Variants in FAM186B observed in about 807,000 individuals in gnomAD.
FAM186B encodes family with sequence similarity 186 member B, also known as protein FAM186B.
Under a neutral mutation model 83.4 loss-of-function variants are expected in FAM186B, and 68 were observed. That is an observed-to-expected ratio of 0.81 (90% CI 0.67 to 1.00). FAM186B has a LOEUF of 1.00. Among genes scored for constraint, FAM186B ranks in the 50% least tolerant of loss-of-function variants. The probability of loss-of-function intolerance (pLI) is 0.00; values close to 1 mark genes in which losing one functional copy is unlikely to be tolerated. For synonymous variants in FAM186B, 389 were observed against 422.0 expected (o/e 0.92, Z 0.96); for missense variants, 983 against 1,099.2 (o/e 0.89, Z 1.49).
intron 5 of FAM186B, among the ~76,000 whole-genome samples, chr12:49,591,248 A>G (rs1939574449): frequency 6.6e-6 from 1 of 152,246 alleles, no homozygotes; most frequent in African/African-American, 2.4e-5. Context: ...AGGAAGCCAC[A>G]TGGCAAGGAA....
intron 2 of FAM186B, among the ~76,000 whole-genome samples, 175 bp from the exon 3 acceptor site, chr12:49,603,542 A>G (rs1240165963): frequency 6.6e-6 from 1 of 152,204 alleles, no homozygotes; most frequent in African/African-American, 2.4e-5. Flanking sequence ...CCTTCCCTAT[A>G]AAAGAACTGC....
chr12:49,599,691 A>G lies in FAM186B; in HGVS notation c.1949T>C (p.Leu650Ser). 1 of 1,609,766 alleles carries G rather than the reference A, an allele frequency of 6.2e-7. No homozygotes were observed. The highest frequency in any genetic ancestry group is 2.2e-5 in the East Asian group (1 of 44,848). Residue 650 changes from leucine (L) to serine (S), a missense_variant, in exon 4 of 7, where the codon TTG becomes TCG. Transcript: ENST00000257894. ...TSIRRLTWPSLQISPANIKKK... is the reference protein window; with the variant it reads ...TSIRRLTWPSSQISPANIKKK... ...CTTAATATTTGCAGGGGATATCTGC[A>G]AAGAGGGCCAGGTCAGCCTTCGGAT... is the stretch of plus-strand genomic sequence containing the variant.
At chr12:49,591,150 C>T (rs143655184) in intron 5 of FAM186B, among the ~76,000 whole-genome samples, 198 of 152,206 alleles carry the variant, frequency 1.3e-3, no homozygotes, top group South Asian at 0.011. Flanking sequence ...CAAACAGAAG[C>T]CAGCAGCCTT....
the FAM186B span, chr12:49,619,331 A>T: frequency 8.5e-6 from 3 of 352,942 alleles, no homozygotes; most frequent in Non-Finnish European, 1.5e-5. Flanking sequence ...TCAAGCAATC[A>T]CTGTGTCAAC....
Position 49,600,741 on chromosome 12 carries a change from A to G in FAM186B, c.899T>C (p.Leu300Ser). The G allele has an allele frequency of 6.2e-7, 1 of 1,614,118 alleles. No individual in the cohort carries two copies. The highest frequency in any genetic ancestry group is 1.3e-5 in the African/African-American group (1 of 75,050). ...GAGAAGGTCATGGTACCTTCCCCCT[A>G]AGATCTCTACCTGCTTCAGCAGAGC... ...RDALLKQVEI[L>S]GGRYHDLLLM... Residue 300 changes from leucine to serine, a missense_variant, in exon 4 of 7, where the codon TTA becomes TCA. Transcript: ENST00000257894. The surrounding 1 kb of genome is among the most constrained non-coding windows in gnomAD (Gnocchi z 4.3).
chr12:49,600,400 C>A lies in FAM186B; in HGVS notation c.1240G>T (p.Glu414Ter). 1 of 1,614,092 alleles carries A rather than the reference C, an allele frequency of 6.2e-7. No individual in the cohort carries two copies. The highest frequency in any genetic ancestry group is 8.5e-7 in the Non-Finnish European group (1 of 1,179,980). ...VFGSKDTESL[E>*]PVLLPLVDRR... ...TCTACTAAGGGTAAAAGCACAGGCT[C>A]AAGGCTCTCAGTGTCCTTGCTGCCG... is the stretch of plus-strand genomic sequence containing the variant. The change falls in exon 4 of 7, where the codon GAG becomes TAG. Residue 414 changes from glutamate (E) to a stop codon, truncating the protein, a stop_gained. Coordinates refer to ENST00000257894, the MANE Select transcript of FAM186B (RefSeq NM_032130.3). LOFTEE classifies it high-confidence loss of function. This position sits in a 1 kb window ranked among gnomAD's most constrained non-coding sequence, Gnocchi z 4.3.
the FAM186B span, among the ~76,000 whole-genome samples, chr12:49,615,502 A>G: frequency 3.9e-5 from 6 of 152,256 alleles, no homozygotes; most frequent in African/African-American, 1.4e-4. Flanking sequence ...AAGAAGTTAT[A>G]CAAATGGGCC....
In FAM186B at chr12:49,587,567, T is replaced by C. The variant is rs777735722; in HGVS notation, c.*38A>G. 2 of 1,613,654 alleles carry C rather than the reference T, an allele frequency of 1.2e-6. No individual in the cohort carries two copies. The highest frequency in any genetic ancestry group is 1.3e-5 in the African/African-American group (1 of 74,906). ...ATTGACCATCAGCCTCGCACCTTACTGGGCCTTCAGGAAGTTCAGGCTTTT... is the reference window on the plus strand; with the variant it reads ...ATTGACCATCAGCCTCGCACCTTACCGGGCCTTCAGGAAGTTCAGGCTTTT... On this transcript the variant is annotated 3_prime_UTR_variant, in exon 7 of 7. Coordinates refer to ENST00000257894, the MANE Select transcript of FAM186B (RefSeq NM_032130.3).
Position 49,600,999 on chromosome 12 carries a change from G to A in FAM186B, c.641C>T (p.Ser214Phe), listed in dbSNP as rs1380703807. The change falls in exon 4 of 7, where the codon TCC (serine) becomes TTC (phenylalanine). Residue 214 changes from serine to phenylalanine, a missense_variant. Ser to Phe is a radical substitution (Grantham distance 155, BLOSUM62 -2). Coordinates refer to ENST00000257894, the MANE Select transcript of FAM186B (RefSeq NM_032130.3). The surrounding 1 kb of genome is among the most constrained non-coding windows in gnomAD (Gnocchi z 4.3). ...AGAGTCCAGGAGCTCCTGCAGCATG[G>A]ACGTCACCTCCGAGGCCTTCGTGTT... The part of the protein sequence containing the change: ...TMNTKASEVT[S>F]MLQELLDSTM... 6.2e-7 allele frequency: 1 copy of A among 1,614,176 alleles called. No individual in the cohort carries two copies. The highest frequency in any genetic ancestry group is 1.1e-5 in the South Asian group (1 of 91,074).
intron 5 of FAM186B, among the ~76,000 whole-genome samples, chr12:49,589,027 G>T (rs1022833646): frequency 2.6e-5 from 4 of 152,138 alleles, no homozygotes; most frequent in African/African-American, 9.7e-5. Context: ...AGGAGCTGGG[G>T]GAACCTTCAC....
At chr12:49,605,758 C>CTTT (rs1222575062), upstream of FAM186B, 53 of 150,922 alleles carry the variant, frequency 3.5e-4, no homozygotes, top group South Asian at 6.2e-4. Context: ...GTTGCCTTTT[C>CTTT]TTTTTTTTTT....
Position 49,600,740 on chromosome 12 carries a change from T to C in FAM186B, c.900A>G (p.Leu300=). 1 of 1,614,128 alleles carries C rather than the reference T, an allele frequency of 6.2e-7. No individual in the cohort carries two copies. The highest frequency in any genetic ancestry group is 8.5e-7 in the Non-Finnish European group (1 of 1,179,988). The part of the protein sequence containing the change: ...RDALLKQVEI[L]GGRYHDLLLM... ...GGAGAAGGTCATGGTACCTTCCCCC[T>C]AAGATCTCTACCTGCTTCAGCAGAG... The change falls in exon 4 of 7, where the codon TTA becomes TTG. Residue 300 remains leucine (L), a synonymous_variant. Coordinates refer to ENST00000257894, the MANE Select transcript of FAM186B (RefSeq NM_032130.3). The surrounding 1 kb of genome is among the most constrained non-coding windows in gnomAD (Gnocchi z 4.3).
the FAM186B span, among the ~76,000 whole-genome samples, chr12:49,621,915 A>G: frequency 2.9e-4 from 44 of 152,384 alleles, no homozygotes; most frequent in East Asian, 6.6e-3. Context: ...CGTTGCCTCC[A>G]GAGAGGGGAA....
At chr12:49,584,670 ATG>A, downstream of FAM186B, 6 of 701,038 alleles carry the variant, frequency 8.6e-6, no homozygotes, top group South Asian at 8.9e-5. Context: ...GGCCCAGGCC[ATG>A]TGAGTGCCAT....
At chr12:49,587,457 CA>C (rs1939469757), downstream of FAM186B, 2 of 1,122,360 alleles carry the variant, frequency 1.8e-6, no homozygotes, top group Non-Finnish European at 1.3e-6. Flanking sequence ...GCAAAGGAAC[CA>C]GGTTAGCCTC....
chr12:49,612,369 T>TG, the FAM186B span, among the ~76,000 whole-genome samples: 1 of 136,686 alleles, frequency 7.3e-6, no homozygotes, highest in African/African-American at 3.0e-5. Flanking sequence ...CCAACAAAGT[T>TG]TTTTTTTTTT....
chr12:49,609,046 G>A (rs187789012), upstream of FAM186B, among the ~76,000 whole-genome samples: 1 of 152,236 alleles, frequency 6.6e-6, no homozygotes, highest in East Asian at 1.9e-4. Flanking sequence ...GCCTGCTCTC[G>A]AGGTGCATAG....
Position 49,598,929 on chromosome 12 carries a change from A to G in FAM186B, c.2190T>C (p.His730=). ...CCTCCGTTTCTTTCATGATTTGTAC[A>G]TGGTTGATCGCTTCTTGCCTGGGAA... is the stretch of plus-strand genomic sequence containing the variant. ...LQSLRQEAIN[H]VQIMKETEAS... is the part of the protein sequence containing the mutation. The change falls in exon 5 of 7, where the codon CAT becomes CAC. Residue 730 remains histidine (H), a synonymous_variant. Coordinates refer to ENST00000257894, the MANE Select transcript of FAM186B (RefSeq NM_032130.3). 1.2e-6 allele frequency: 2 copies of G among 1,613,580 alleles called. No individual in the cohort carries two copies. Among genetic ancestry groups the G allele is most frequent in the African/African-American group, 1.3e-5 (1 of 74,846 alleles).
chr12:49,600,064 G>C lies in FAM186B; in HGVS notation c.1576C>G (p.Leu526Val). The C allele has an allele frequency of 6.2e-7, 1 of 1,606,656 alleles. No individual in the cohort carries two copies. The highest frequency in any genetic ancestry group is 8.5e-7 in the Non-Finnish European group (1 of 1,176,128). The change falls in exon 4 of 7, where the codon CTG (leucine) becomes GTG (valine). Residue 526 changes from leucine to valine, a missense_variant. Transcript: ENST00000257894. The surrounding 1 kb of genome is among the most constrained non-coding windows in gnomAD (Gnocchi z 4.3). ...EKLRQWNLEDLAREQQRRWVQ... is the reference protein window; with the variant it reads ...EKLRQWNLEDVAREQQRRWVQ... ...CATCTCCGCTGTTGCTCCCTGGCCA[G>C]GTCTTCCAGATTCCACTGCCGCAGC...
Sources: allele counts gnomAD v4.1 joint callset (sites outside exome capture counted in the v4.1 genomes callset), GRCh38; gene constraint gnomAD v4.1.1; non-coding constraint Gnocchi (gnomAD v3.1); transcripts MANE v1.5; gene names NCBI Gene and HGNC (gene_info 2026-07-23, HGNC 2026-07-21).